PCDH15: variants seen among roughly 807,000 people sequenced by gnomAD.
PCDH15 encodes protocadherin related 15.
Under a neutral mutation model 178.5 loss-of-function variants are expected in PCDH15, and 129 were observed. The observed-to-expected ratio is 0.72, with a 90% CI of 0.63 to 0.84. The LOEUF (loss-of-function observed/expected upper bound fraction) is 0.84. Among genes scored for constraint, PCDH15 ranks in the 40% least tolerant of loss-of-function variants. The pLI, the probability that PCDH15 is intolerant of heterozygous loss-of-function variation, is 0.00. For synonymous variants in PCDH15, 800 were observed against 732.0 expected (o/e 1.09, Z -1.50); for missense variants, 2,230 against 2,099.9 (o/e 1.06, Z -1.21).
chr10:54,223,419 G>A (rs1475320714), intron 9 of PCDH15, among the ~76,000 whole-genome samples: 1 of 138,834 alleles, frequency 7.2e-6, no homozygotes, highest in Non-Finnish European at 1.5e-5. Flanking sequence ...TGTATAGAAA[G>A]TCTTTCAAGT....
chr10:54,306,495 A>C (rs1825001733), intron 8 of PCDH15, among the ~76,000 whole-genome samples: 1 of 151,588 alleles, frequency 6.6e-6, no homozygotes, highest in Non-Finnish European at 1.5e-5. Flanking sequence ...ATAGTTTGCC[A>C]GAATCCTCAG....
chr10:54,508,439 A>G (rs575712349), intron 3 of PCDH15, among the ~76,000 whole-genome samples: 1 of 152,250 alleles, frequency 6.6e-6, no homozygotes, highest in African/African-American at 2.4e-5. Flanking sequence ...TAAACCCATC[A>G]TAAGTTAAAA....
At chr10:54,754,927 T>C (rs1293377945) in intron 1 of PCDH15, among the ~76,000 whole-genome samples, 1 of 143,738 alleles carries the variant, frequency 7.0e-6, no homozygotes, top group Non-Finnish European at 1.5e-5. Flanking sequence ...TTTTTCACAC[T>C]TAGAGTTTTT....
Position 55,226,403 on chromosome 10 carries a change from C to G in PCDH15, c.-155-59752G>C, listed in dbSNP as rs554102238. ...TTTTGTTTTTGAGACCGAGCCTCAC[C>G]CTGGAGTGCAGTGGCATCATGTCGG... On this transcript the variant is annotated intron_variant, in intron 1 of 5. Transcript: ENST00000458638. 4.0e-5 allele frequency among the ~76,000 whole-genome samples: 6 copies of G among 151,118 alleles called. No individual in the cohort carries two copies. The East Asian group carries it at 1.2e-3, about 29-fold the overall frequency.
At chr10:55,240,329 A>G (rs921858947) in intron 1 of PCDH15, among the ~76,000 whole-genome samples, 2 of 152,174 alleles carry the variant, frequency 1.3e-5, no homozygotes, top group Non-Finnish European at 2.9e-5. Context: ...TAATTTTGGA[A>G]TTTCATCACC....
intron 3 of PCDH15, among the ~76,000 whole-genome samples, chr10:54,871,563 A>C (rs762957422): frequency 6.6e-6 from 1 of 152,138 alleles, no homozygotes; most frequent in Non-Finnish European, 1.5e-5. Context: ...AAAGTTCACA[A>C]ATGGGAAAAT....
intron 15 of PCDH15, among the ~76,000 whole-genome samples, chr10:54,100,551 T>C (rs2094791435): frequency 6.6e-6 from 1 of 152,166 alleles, no homozygotes; most frequent in African/African-American, 2.4e-5. Context: ...CACAAGGCTG[T>C]CATGATGATA....
At chr10:54,396,644 TGACATGA>T (rs1951265839) in intron 3 of PCDH15, among the ~76,000 whole-genome samples, 1 of 152,144 alleles carries the variant, frequency 6.6e-6, no homozygotes, top group Non-Finnish European at 1.5e-5. Flanking sequence ...TGTTAGAAGT[TGACATGA>T]TATATGAAGG....
At chr10:54,172,556 G>T (rs2047027564) in intron 13 of PCDH15, among the ~76,000 whole-genome samples, 1 of 151,982 alleles carries the variant, frequency 6.6e-6, no homozygotes, top group African/African-American at 2.4e-5. Context: ...CTCTTTTTTG[G>T]AAACAATAGG....
intron 16 of PCDH15, among the ~76,000 whole-genome samples, chr10:54,087,881 G>A (rs2094540075): frequency 6.6e-6 from 1 of 152,116 alleles, no homozygotes; most frequent in Admixed American, 6.5e-5. Context: ...TCTCTTGATA[G>A]AGTTCAGGAG....
rs766924319 is a variant in PCDH15, at chr10:54,346,435, C to T, written c.524G>A (p.Gly175Glu). 6 of 1,613,544 alleles carry T rather than the reference C, an allele frequency of 3.7e-6. No homozygotes were observed. In the Admixed American group the frequency reaches 6.7e-5, roughly 18 times the overall value. ...TIFTGFSGDN[G>E]ATDIDDGPNG... ...TGGTCCATCATCTATATCTGTAGCT[C>T]CATTGTCTCCTGAAAATCCTGTGAA... is the stretch of plus-strand genomic sequence containing the variant. The change falls in exon 6 of 38, where the codon GGA (glycine) becomes GAA (glutamate). Residue 175 changes from glycine (G) to glutamate (E), a missense_variant. Transcript: ENST00000644397.
intron 2 of PCDH15, among the ~76,000 whole-genome samples, chr10:55,150,212 A>G (rs1591944298): frequency 6.6e-6 from 1 of 152,080 alleles, no homozygotes; most frequent in African/African-American, 2.4e-5. Flanking sequence ...AAATCTGCCA[A>G]TTCAATTTGA....
intron 11 of PCDH15, among the ~76,000 whole-genome samples, chr10:54,194,749 T>TAC (rs1408770763): frequency 6.6e-6 from 1 of 151,864 alleles, no homozygotes; most frequent in Non-Finnish European, 1.5e-5. Flanking sequence ...TCTATATATA[T>TAC]ACACAAAACA....
intron 2 of PCDH15, among the ~76,000 whole-genome samples, chr10:55,002,550 C>T (rs1286060299): frequency 6.7e-5 from 1 of 14,882 alleles, no homozygotes; most frequent in Non-Finnish European, 1.7e-4. Context: ...TAATTTCTGA[C>T]ATGTTAGAGA....
chr10:54,088,213 T>A (rs1291417365), intron 16 of PCDH15, among the ~76,000 whole-genome samples: 1 of 152,194 alleles, frequency 6.6e-6, no homozygotes, highest in Non-Finnish European at 1.5e-5. Flanking sequence ...TAGTCATACC[T>A]GGTTTTGCCT....
chr10:55,084,267 AG>A (rs1842109199), intron 2 of PCDH15, among the ~76,000 whole-genome samples: 1 of 151,778 alleles, frequency 6.6e-6, no homozygotes, highest in South Asian at 2.1e-4. Flanking sequence ...TAGAAGACAC[AG>A]AAAGAAATCC....
At chr10:54,325,341 C>T (rs1479569550) in intron 7 of PCDH15, among the ~76,000 whole-genome samples, 1 of 152,032 alleles carries the variant, frequency 6.6e-6, no homozygotes, top group African/African-American at 2.4e-5. Context: ...TTTTAGAGGC[C>T]ATATACTTTA....
Position 54,655,256 on chromosome 10 carries a change from A to AAGAGAGAGAGAGAGAGAGAG in PCDH15, c.91+8896_91+8915dup, listed in dbSNP as rs1173377441. On this transcript the variant is annotated intron_variant, in intron 2 of 37. Transcript: ENST00000644397. Reference sequence around the variant, plus strand: ...AGGAAGGGAAAGAAAGAAAGAAAGAAAGAGAGAGAGAGAGAGAGAGAGAGA... The same window carrying AAGAGAGAGAGAGAGAGAGAG: ...AGGAAGGGAAAGAAAGAAAGAAAGAAAGAGAGAGAGAGAGAGAGAGAGAGAGAGAGAGAGAGAGAGAGAGA... Among the ~76,000 whole-genome samples the AAGAGAGAGAGAGAGAGAGAG allele has an allele frequency of 1.2e-3, 61 of 48,872 alleles. 3 individuals are homozygous for AAGAGAGAGAGAGAGAGAGAG. The highest frequency in any genetic ancestry group is 2.4e-3 in the East Asian group (4 of 1,664). The allele number at this position is 48,872 out of a possible 152,430, so 32.1% of individuals were successfully genotyped here. A position where few individuals can be genotyped will look rare whatever the true frequency, so the allele number is the denominator to read the frequency against.
chr10:54,303,166 G>A (rs1054330224), intron 8 of PCDH15, among the ~76,000 whole-genome samples: 36 of 152,014 alleles, frequency 2.4e-4, no homozygotes, highest in South Asian at 6.2e-4. Flanking sequence ...CTAGCAGATG[G>A]GGCAATAGAT....
Sources: allele counts gnomAD v4.1 joint callset (sites outside exome capture counted in the v4.1 genomes callset), GRCh38; gene constraint gnomAD v4.1.1; transcripts MANE v1.5; gene names NCBI Gene and HGNC (gene_info 2026-07-23, HGNC 2026-07-21).